The following KCNJ4 variants were observed in gnomAD, a reference collection of about 807,000 sequenced individuals.
KCNJ4 encodes the protein inward rectifier potassium channel 4.
In KCNJ4, 3 loss-of-function variants were observed where a neutral mutation model predicts 25.6. That is an observed-to-expected ratio of 0.12 (90% CI 0.05 to 0.30). KCNJ4 has a LOEUF of 0.30. Among genes scored for constraint, KCNJ4 ranks in the 10% least tolerant of loss-of-function variants. The pLI is 1.00. For synonymous variants in KCNJ4, 257 were observed against 283.9 expected, an observed-to-expected ratio of 0.91 and a Z score of 0.95; for missense variants, 286 against 666.8, an observed-to-expected ratio of 0.43 and a Z score of 6.29.
chr22:38,429,422 G>A (rs529407021), intron 1 of KCNJ4, among the ~76,000 whole-genome samples: 15 of 152,334 alleles, frequency 9.8e-5, no homozygotes, highest in African/African-American at 2.2e-4. Context: ...AGTTGATGGC[G>A]GGGAGACAGG....
intron 1 of KCNJ4, among the ~76,000 whole-genome samples, chr22:38,444,231 G>A (rs1404979798): frequency 1.3e-5 from 2 of 152,284 alleles, no homozygotes; most frequent in East Asian, 3.9e-4. Flanking sequence ...CCCAGAGCCT[G>A]GCATAGAGTA....
intron 1 of KCNJ4, among the ~76,000 whole-genome samples, chr22:38,450,809 A>G (rs2089406215): frequency 6.6e-6 from 1 of 152,140 alleles, no homozygotes; most frequent in Non-Finnish European, 1.5e-5. Flanking sequence ...TGGAGCCCCC[A>G]GAGGAGCCAG....
intron 1 of KCNJ4, among the ~76,000 whole-genome samples, chr22:38,432,279 AT>A (rs2093052242): frequency 7.3e-6 from 1 of 137,426 alleles, no homozygotes; most frequent in Non-Finnish European, 1.5e-5. Flanking sequence ...AAATAAATAA[AT>A]AAATAAAATA....
intron 1 of KCNJ4, among the ~76,000 whole-genome samples, chr22:38,429,976 A>G (rs202175477): frequency 6.6e-6 from 1 of 152,208 alleles, no homozygotes; most frequent in Non-Finnish European, 1.5e-5. Flanking sequence ...TTAGAGATCA[A>G]CAGCCTCAGA....
At chr22:38,436,648 C>G (rs1345388105) in intron 1 of KCNJ4, among the ~76,000 whole-genome samples, 1 of 152,222 alleles carries the variant, frequency 6.6e-6, no homozygotes, top group Non-Finnish European at 1.5e-5. Context: ...CCTCCCTCAC[C>G]AGGCAGCCCT....
intron 1 of KCNJ4, among the ~76,000 whole-genome samples, chr22:38,451,102 T>G (rs965210020): frequency 3.3e-5 from 5 of 152,220 alleles, no homozygotes; most frequent in African/African-American, 7.2e-5. Context: ...CAAAAGCTCC[T>G]AGCCCAGTGC....
At position 38,443,149 on chromosome 22, in the gene KCNJ4, G is replaced by A. The variant is rs2089349071; in HGVS notation, c.-40+11831C>T. On this transcript the variant is annotated intron_variant, in intron 1 of 1. Transcript: ENST00000303592. This position sits in a 1 kb window ranked among gnomAD's most constrained non-coding sequence, Gnocchi z 4.1. The stretch of plus-strand genomic sequence containing the variant: ...CTTCCCTCTCAGCAGCTCTGATGGA[G>A]GCTCTGGACTGGCCCTCGTTTTCCT... Among the ~76,000 whole-genome samples the A allele has an allele frequency of 6.6e-6, 1 of 152,094 alleles. No homozygotes were observed. Among genetic ancestry groups the A allele is most frequent in the Non-Finnish European group, 1.5e-5 (1 of 67,996 alleles).
intron 1 of KCNJ4, among the ~76,000 whole-genome samples, chr22:38,441,533 G>A (rs1267861388): frequency 2.6e-5 from 4 of 152,136 alleles, no homozygotes; most frequent in South Asian, 2.1e-4. Flanking sequence ...TGGGGCTGCC[G>A]GCTGGTGGGG....
chr22:38,451,669 G>C (rs1323101584), intron 1 of KCNJ4, among the ~76,000 whole-genome samples: 1 of 152,132 alleles, frequency 6.6e-6, no homozygotes, highest in Non-Finnish European at 1.5e-5. Flanking sequence ...AGAAGCCCTG[G>C]ATTCAGGCCC....
At chr22:38,428,266 A>G (rs2093039267) in intron 1 of KCNJ4, 95 bp from the exon 2 acceptor site, 1 of 1,172,070 alleles carries the variant, frequency 8.5e-7, no homozygotes, top group African/African-American at 1.5e-5. Context: ...GAAGCAGGTG[A>G]GCCTGGACCA....
chr22:38,438,841 G>A (rs1191005403), intron 1 of KCNJ4, among the ~76,000 whole-genome samples: 1 of 152,260 alleles, frequency 6.6e-6, no homozygotes, highest in East Asian at 1.9e-4. Flanking sequence ...GCGGCAGATG[G>A]CAAGGGCTGC....
At chr22:38,450,376 G>A (rs370399683) in intron 1 of KCNJ4, among the ~76,000 whole-genome samples, 9 of 152,194 alleles carry the variant, frequency 5.9e-5, no homozygotes, top group East Asian at 1.9e-4. Context: ...GACATCACTC[G>A]GAGAGGGTGA....
At chr22:38,453,554 G>A (rs1489367973) in intron 1 of KCNJ4, among the ~76,000 whole-genome samples, 3 of 152,120 alleles carry the variant, frequency 2.0e-5, no homozygotes, top group Non-Finnish European at 4.4e-5. Context: ...AAGGTAAAGT[G>A]AGTCTTTACT....
At chr22:38,452,800 G>T (rs1405341781) in intron 1 of KCNJ4, among the ~76,000 whole-genome samples, 2 of 151,738 alleles carry the variant, frequency 1.3e-5, no homozygotes, top group Admixed American at 6.6e-5. Flanking sequence ...CTGGCCCTGG[G>T]GCCTCCCCTC....
chr22:38,434,432 T>G (rs1275163652), intron 1 of KCNJ4, among the ~76,000 whole-genome samples: 1 of 152,198 alleles, frequency 6.6e-6, no homozygotes, highest in Non-Finnish European at 1.5e-5. Flanking sequence ...AAGTATGTAT[T>G]AAGCACCTAC....
chr22:38,431,768 G>A (rs956964399), intron 1 of KCNJ4, among the ~76,000 whole-genome samples: 1 of 152,188 alleles, frequency 6.6e-6, no homozygotes, highest in East Asian at 1.9e-4. Context: ...AGGCTGACCC[G>A]TGCAAGGCCT....
chr22:38,438,851 C>T lies in KCNJ4; in HGVS notation c.-39-10680G>A, dbSNP rs578023360. ...CAGAGGCGGCAGATGGCAAGGGCTG[C>T]GGATGTCCCCCTCAGGGCTGGCGGG... On this transcript the variant is annotated intron_variant, in intron 1 of 1. Coordinates refer to ENST00000303592, the MANE Select transcript of KCNJ4 (RefSeq NM_152868.3). Among the ~76,000 whole-genome samples the T allele has an allele frequency of 4.6e-5, 7 of 152,298 alleles. No homozygotes were observed. In the South Asian group the frequency reaches 1.0e-3, roughly 23 times the overall value.
At position 38,449,018 on chromosome 22, in the gene KCNJ4, T is replaced by C. The variant is rs1420078227; in HGVS notation, c.-40+5962A>G. Among the ~76,000 whole-genome samples, 21 of 152,134 alleles carry C rather than the reference T, an allele frequency of 1.4e-4. No homozygotes were observed. Among genetic ancestry groups the C allele is most frequent in the Non-Finnish European group, 4.4e-5 (3 of 67,988 alleles). On this transcript the variant is annotated intron_variant, in intron 1 of 1. Transcript: ENST00000303592. The surrounding 1 kb of genome is among the most constrained non-coding windows in gnomAD (Gnocchi z 5.2). ...GGGGTCGGGAACACCAAGGACCCCC[T>C]TTCCTGGTAGCCCCTAAGGACCTCT...
At chr22:38,453,195 G>A (rs1430583688) in intron 1 of KCNJ4, among the ~76,000 whole-genome samples, 1 of 152,052 alleles carries the variant, frequency 6.6e-6, no homozygotes, top group Non-Finnish European at 1.5e-5. Context: ...TATGCTCCAG[G>A]CTGGCGCACG....
Sources: gnomAD v4.1 joint callset for allele counts (sites outside exome capture counted in the v4.1 genomes callset) on GRCh38, gnomAD v4.1.1 for gene constraint, Gnocchi (gnomAD v3.1) non-coding constraint, MANE v1.5 for transcripts, NCBI Gene and HGNC (gene_info 2026-07-23, HGNC 2026-07-21) for gene names.